Variants in CMTM1 observed in about 807,000 individuals in gnomAD.
The protein encoded by CMTM1 is CKLF-like MARVEL transmembrane domain-containing protein 1.
In CMTM1, 16 loss-of-function variants were observed where a neutral mutation model predicts 17.8. The observed-to-expected ratio is 0.90, with a 90% CI of 0.61 to 1.37. CMTM1 has a LOEUF of 1.37. Among genes scored for constraint, CMTM1 ranks in the 40% most tolerant of loss-of-function variants. The pLI is 0.00. For missense variants in CMTM1, 354 were observed against 375.6 expected (o/e 0.94, Z 0.47); for synonymous variants, 169 against 154.6 (o/e 1.09, Z -0.69).
chr16:66,570,147 G>A lies in CMTM1; in HGVS notation c.591+53G>A. The A allele has an allele frequency of 2.1e-6, 3 of 1,399,392 alleles. No homozygotes were observed. In the East Asian group the frequency reaches 7.0e-5, roughly 33 times the overall value. The allele number at this position is 1,399,392 out of a possible 1,614,324, so 86.7% of individuals were successfully genotyped here. A position where few individuals can be genotyped will look rare whatever the true frequency, so the allele number is the denominator to read the frequency against. On this transcript the variant is annotated intron_variant, in intron 2 of 3. Coordinates refer to ENST00000379500, the MANE Select transcript of CMTM1 (RefSeq NM_052999.4). ...AATCCAAGCTTTGCCCTCAGCCCCA[G>A]AGTAAGGGCTCTCCTTAAGTGAAAA... is the stretch of plus-strand genomic sequence containing the variant.
chr16:66,568,437 G>A (rs2012947783), intron 1 of CMTM1, among the ~76,000 whole-genome samples: 1 of 152,080 alleles, frequency 6.6e-6, no homozygotes. Flanking sequence ...ATATTCCATT[G>A]ACATTGTAAA....
In CMTM1 at chr16:66,570,007, T is replaced by C. The variant is rs1032764191; in HGVS notation, c.504T>C (p.Ser168=). Residue 168 remains serine, a synonymous_variant, in exon 2 of 4, where the codon AGT becomes AGC. Transcript: ENST00000379500. ...QANESFITIT[S]LEICIVVFFI... The stretch of plus-strand genomic sequence containing the variant: ...ATGAGTCATTTATAACAATCACAAG[T>C]CTGGAAATCTGCATTGTCGTTTTTT... 6.2e-7 allele frequency: 1 copy of C among 1,612,388 alleles called. No homozygotes were observed. Among genetic ancestry groups the C allele is most frequent in the Non-Finnish European group, 8.5e-7 (1 of 1,178,924 alleles).
chr16:66,570,220 T>C, intron 2 of CMTM1, 126 bp downstream of exon 2: 1 of 753,984 alleles, frequency 1.3e-6, no homozygotes, highest in Non-Finnish European at 2.1e-6. Context: ...CTGTGACAGT[T>C]AGGGTGTTGC....
At chr16:66,567,017 G>A (rs769215095) in intron 1 of CMTM1, 72 bp downstream of exon 1, 2 of 1,512,302 alleles carry the variant, frequency 1.3e-6, no homozygotes, top group Non-Finnish European at 1.8e-6. Flanking sequence ...TGCCCACGGG[G>A]TGCCAGCTCC....
chr16:66,571,295 T>C (rs919520555), intron 2 of CMTM1: 8 of 419,274 alleles, frequency 1.9e-5, no homozygotes, highest in Middle Eastern at 3.5e-4. Flanking sequence ...TTTGAGCATA[T>C]ACCATGTGCC....
chr16:66,577,959 A>G (rs111832615), intron 3 of CMTM1, among the ~76,000 whole-genome samples: 11 of 152,348 alleles, frequency 7.2e-5, no homozygotes, highest in African/African-American at 2.6e-4. Context: ...ATTGTGCCAG[A>G]CATGAGCTCA....
At chr16:66,574,977 G>A (rs1192917016) in intron 2 of CMTM1, 1 of 985,292 alleles carries the variant, frequency 1.0e-6, no homozygotes, top group African/African-American at 1.7e-5. Context: ...CACTGTACCT[G>A]CCTCAGTCAG....
At chr16:66,575,076 CT>C in intron 2 of CMTM1, 1 of 985,512 alleles carries the variant, frequency 1.0e-6, no homozygotes, top group Non-Finnish European at 1.2e-6. Flanking sequence ...CTACATACCC[CT>C]GTTCCAGCAT....
chr16:66,566,456 G>C lies in CMTM1; in HGVS notation c.-58G>C. 2.0e-6 allele frequency: 3 copies of C among 1,504,134 alleles called. No individual in the cohort carries two copies. The South Asian group carries it at 3.9e-5, about 20-fold the overall frequency. 93.2% of individuals were successfully genotyped at this position (1,504,134 alleles called of 1,614,324 possible). A position where few individuals can be genotyped will look rare whatever the true frequency, so the allele number is the denominator to read the frequency against. ...GTTGGGACGCGACGCTGGTTCCCAG[G>C]GGAGAGCCAGCCGCTGCCGCGGCAC... On this transcript the variant is annotated 5_prime_UTR_variant, in exon 1 of 4. Transcript: ENST00000379500. The surrounding 1 kb of genome is among the most constrained non-coding windows in gnomAD (Gnocchi z 4.9).
chr16:66,570,474 G>A (rs187138668), intron 2 of CMTM1, among the ~76,000 whole-genome samples: 1 of 152,226 alleles, frequency 6.6e-6, no homozygotes, highest in Non-Finnish European at 1.5e-5. Flanking sequence ...CTCCCCAAAA[G>A]CAAAAGTTGA....
intron 3 of CMTM1, 110 bp from the exon 4 acceptor site, chr16:66,578,721 A>C: frequency 1.4e-6 from 2 of 1,441,392 alleles, no homozygotes; most frequent in South Asian, 2.6e-5. Flanking sequence ...CAGAGGGGAC[A>C]GGAGGCCACC....
At position 66,578,944 on chromosome 16, in the gene CMTM1, C is replaced by A. The variant is rs147435182; in HGVS notation, c.804C>A (p.Ser268=). 2 of 1,614,014 alleles carry A rather than the reference C, an allele frequency of 1.2e-6. No homozygotes were observed. Among genetic ancestry groups the A allele is most frequent in the Admixed American group, 1.7e-5 (1 of 60,006 alleles). Residue 268 remains serine (S), a synonymous_variant, in exon 4 of 4, where the codon TCC becomes TCA. Coordinates refer to ENST00000379500, the MANE Select transcript of CMTM1 (RefSeq NM_052999.4). ...FLGVEVERKL[S]PAKDAYPETG... Reference sequence around the variant, plus strand: ...GAGTCGAAGTTGAAAGGAAGCTTTCCCCCGCCAAGGACGCCTACCCCGAAA... The same window carrying A: ...GAGTCGAAGTTGAAAGGAAGCTTTCACCCGCCAAGGACGCCTACCCCGAAA...
At chr16:66,569,085 C>A (rs1036276487) in intron 1 of CMTM1, among the ~76,000 whole-genome samples, 2 of 152,020 alleles carry the variant, frequency 1.3e-5, no homozygotes, top group Non-Finnish European at 2.9e-5. Context: ...CAACAGTCAT[C>A]AAAAATGATC....
rs907718075 is a variant in CMTM1, at chr16:66,566,708, C to T, written c.195C>T (p.Ala65=). 3 of 1,614,024 alleles carry T rather than the reference C, an allele frequency of 1.9e-6. No individual in the cohort carries two copies. The highest frequency in any genetic ancestry group is 1.3e-5 in the African/African-American group (1 of 75,018). The change falls in exon 1 of 4, where the codon GCC becomes GCT. Residue 65 remains alanine (A), a synonymous_variant. Transcript: ENST00000379500. This position sits in a 1 kb window ranked among gnomAD's most constrained non-coding sequence, Gnocchi z 4.9. ...CAATTCGCAGTGCGCAGTCCGCAGC[C>T]GCCGCACGTCCCCAAGGCAGTGAGG... ...AVSIRSAQSA[A]AARPQGSEGT...
At position 66,577,206 on chromosome 16, in the gene CMTM1, A is replaced by C. The variant is rs201782704; in HGVS notation, c.690+4A>C. 147 of 1,609,950 alleles carry C rather than the reference A, an allele frequency of 9.1e-5. No homozygotes were observed. The East Asian group carries it at 3.1e-3, about 34-fold the overall frequency. Reference sequence around the variant, plus strand: ...GCATTTACTCTATGTCGGGGGGGTAAGTAGAGGCCTTCATGACTCCATTTA... The same window carrying C: ...GCATTTACTCTATGTCGGGGGGGTACGTAGAGGCCTTCATGACTCCATTTA... On this transcript the variant is annotated splice_donor_region_variant and intron_variant, in intron 3 of 3. Coordinates refer to ENST00000379500, the MANE Select transcript of CMTM1 (RefSeq NM_052999.4).
At chr16:66,569,364 T>C (rs1181354605) in intron 1 of CMTM1, among the ~76,000 whole-genome samples, 3 of 152,182 alleles carry the variant, frequency 2.0e-5, no homozygotes, top group African/African-American at 7.2e-5. Flanking sequence ...AGAGGAAGAC[T>C]AGGTGAAACA....
At chr16:66,576,243 CA>C (rs1307421516) in intron 2 of CMTM1, among the ~76,000 whole-genome samples, 1 of 152,044 alleles carries the variant, frequency 6.6e-6, no homozygotes, top group African/African-American at 2.4e-5. Context: ...CTAAAAAATA[CA>C]AAAATTAGCT....
At chr16:66,575,412 T>C (rs1187574501) in intron 2 of CMTM1, 3 of 172,670 alleles carry the variant, frequency 1.7e-5, no homozygotes, top group Non-Finnish European at 3.5e-5. Flanking sequence ...AATCTAGGAA[T>C]TGGCAGGCCA....
Position 66,566,564 on chromosome 16 carries a change from C to T in CMTM1, c.51C>T (p.Asn17=). The change falls in exon 1 of 4, where the codon AAC becomes AAT. Residue 17 remains asparagine (N), a synonymous_variant. Transcript: ENST00000379500. The surrounding 1 kb of genome is among the most constrained non-coding windows in gnomAD (Gnocchi z 4.9). ...KPESSEAPSG[N]LKQPETAAAL... ...AGTCATCCGAGGCACCTTCAGGGAACTTGAAACAACCGGAGACTGCCGCAG... is the reference window on the plus strand; with the variant it reads ...AGTCATCCGAGGCACCTTCAGGGAATTTGAAACAACCGGAGACTGCCGCAG... 6.2e-7 allele frequency: 1 copy of T among 1,613,902 alleles called. No individual in the cohort carries two copies. The highest frequency in any genetic ancestry group is 8.5e-7 in the Non-Finnish European group (1 of 1,179,918).
Sources: allele counts gnomAD v4.1 joint callset (sites outside exome capture counted in the v4.1 genomes callset), GRCh38; gene constraint gnomAD v4.1.1; non-coding constraint Gnocchi (gnomAD v3.1); transcripts MANE v1.5; gene names NCBI Gene and HGNC (gene_info 2026-07-23, HGNC 2026-07-21).